MYO7A: variants seen among roughly 807,000 people sequenced by gnomAD.
MYO7A encodes myosin VIIA, also known as unconventional myosin-VIIa.
In MYO7A, 210 loss-of-function variants were observed where a neutral mutation model predicts 263.8. That is an observed-to-expected ratio of 0.80 (90% CI 0.71 to 0.89). MYO7A has a LOEUF of 0.89. Among genes scored for constraint, MYO7A ranks in the 40% least tolerant of loss-of-function variants. The pLI is 0.00. For missense variants in MYO7A, 2,820 were observed against 2,968.3 expected (o/e 0.95, Z 1.16); for synonymous variants, 1,239 against 1,197.3 (o/e 1.03, Z -0.72).
Position 77,174,837 on chromosome 11 carries a change from C to T in MYO7A, c.2017C>T (p.Pro673Ser). 2 of 1,613,642 alleles carry T rather than the reference C, an allele frequency of 1.2e-6. No homozygotes were observed. The highest frequency in any genetic ancestry group is 1.1e-5 in the South Asian group (1 of 91,078). Residue 673 changes from proline (P) to serine (S), a missense_variant, in exon 17 of 49, where the codon CCC becomes TCC. Transcript: ENST00000409709. The stretch of plus-strand genomic sequence containing the variant: ...CATCCGAATCCGCCGAGCTGGCTAC[C>T]CCATCCGCTACAGCTTCGTAGAGTT... ...ETIRIRRAGYPIRYSFVEFVE... is the reference protein window; with the variant it reads ...ETIRIRRAGYSIRYSFVEFVE...
At position 77,179,239 on chromosome 11, in the gene MYO7A, C is replaced by A. The variant is rs754620440; in HGVS notation, c.2367+110C>A. On this transcript the variant is annotated intron_variant, in intron 20 of 48. Coordinates refer to ENST00000409709, the MANE Select transcript of MYO7A (RefSeq NM_000260.4). ...AGGCAGCACAGCCTGGCCTCGTTGGCCTCCTGCCACTGCCCTGGCCAGCCA... is the reference window on the plus strand; with the variant it reads ...AGGCAGCACAGCCTGGCCTCGTTGGACTCCTGCCACTGCCCTGGCCAGCCA... 23 of 908,610 alleles carry A rather than the reference C, an allele frequency of 2.5e-5. No homozygotes were observed. The Admixed American group carries it at 5.2e-4, about 21-fold the overall frequency. The allele number at this position is 908,610 out of a possible 1,614,324, so 56.3% of individuals were successfully genotyped here.
chr11:77,154,765 G>C (rs1312126093), intron 4 of MYO7A, among the ~76,000 whole-genome samples: 1 of 152,076 alleles, frequency 6.6e-6, no homozygotes, highest in Non-Finnish European at 1.5e-5. Context: ...TGGGCCCAGG[G>C]GCCCAGAGAA....
At chr11:77,164,062 C>G (rs782251576) in intron 14 of MYO7A, among the ~76,000 whole-genome samples, 5 of 152,298 alleles carry the variant, frequency 3.3e-5, no homozygotes, top group East Asian at 3.9e-4. Context: ...CCAGTTACCC[C>G]CTAAGACTCT....
At position 77,177,238 on chromosome 11, in the gene MYO7A, G is replaced by C. The variant is rs112421490; in HGVS notation, c.2188-311G>C. ...GTGACAGGGACGTCTAGAAGCAGGGGGCTTGGGCAGATTGACGATAGGGAA... is the reference window on the plus strand; with the variant it reads ...GTGACAGGGACGTCTAGAAGCAGGGCGCTTGGGCAGATTGACGATAGGGAA... On this transcript the variant is annotated intron_variant, in intron 18 of 48. Transcript: ENST00000409709. Among the ~76,000 whole-genome samples, 1,379 of 152,294 alleles carry C rather than the reference G, an allele frequency of 9.1e-3. 20 individuals carry two copies. The highest frequency in any genetic ancestry group is 0.031 in the African/African-American group (1,275 of 41,552).
intron 42 of MYO7A, 147 bp from the exon 43 acceptor site, chr11:77,208,283 C>A: frequency 1.5e-6 from 1 of 646,872 alleles, no homozygotes; most frequent in Non-Finnish European, 2.7e-6. Flanking sequence ...GCACATGGGG[C>A]AGGGTGGGGC....
At chr11:77,165,470 G>A (rs956597418) in intron 14 of MYO7A, among the ~76,000 whole-genome samples, 1 of 152,156 alleles carries the variant, frequency 6.6e-6, no homozygotes, top group Non-Finnish European at 1.5e-5. Context: ...TTGCACCAGC[G>A]TCCTGGGTTC....
At chr11:77,201,730 G>C in intron 36 of MYO7A, 92 bp downstream of exon 36, 10 of 1,343,020 alleles carry the variant, frequency 7.4e-6, no homozygotes, top group Non-Finnish European at 1.0e-5. Flanking sequence ...TAACGGTCTA[G>C]TGCATCTGTG....
chr11:77,194,617 C>T (rs1445430009), intron 32 of MYO7A, 93 bp downstream of exon 32: 15 of 1,360,146 alleles, frequency 1.1e-5, no homozygotes, highest in African/African-American at 2.9e-5. Context: ...GTTGGGGCTG[C>T]GGGGGATGGG....
In MYO7A at chr11:77,183,418, C is replaced by T. The variant is rs3758708; in HGVS notation, c.3375+261C>T. 0.095 allele frequency among the ~76,000 whole-genome samples: 14,402 copies of T among 152,174 alleles called. 762 individuals carry two copies. The highest frequency in any genetic ancestry group is 0.15 in the Admixed American group (2,284 of 15,288). On this transcript the variant is annotated intron_variant, in intron 26 of 48. Transcript: ENST00000409709. ...GCAGAGGGCACTGAGCAGGGGAGGC[C>T]GGTAGCGGCACAGCTGAGAGGGAAT...
At chr11:77,208,648 A>G in intron 43 of MYO7A, 49 bp from the exon 44 acceptor site, 3 of 1,512,536 alleles carry the variant, frequency 2.0e-6, no homozygotes, top group Non-Finnish European at 2.7e-6. Context: ...GGACGTGAGC[A>G]CTCCTCTGTG....
At position 77,207,286 on chromosome 11, in the gene MYO7A, C is replaced by A; in HGVS notation, c.5743-3C>A. 6.2e-7 allele frequency: 1 copy of A among 1,605,394 alleles called. No homozygotes were observed. Among genetic ancestry groups the A allele is most frequent in the East Asian group, 2.2e-5 (1 of 44,508 alleles). ...GGAGCCCAGTGCTCACTGCCCCTCC[C>A]AGGCCTTCGAAGTGGAGTCCAGCAC... On this transcript the variant is annotated splice_polypyrimidine_tract_variant and splice_region_variant and intron_variant, in intron 41 of 48. Coordinates refer to ENST00000409709, the MANE Select transcript of MYO7A (RefSeq NM_000260.4).
rs1022747333 is a variant in MYO7A at position 77,138,462 on chromosome 11, C to T, written c.19-4247C>T. On this transcript the variant is annotated intron_variant, in intron 2 of 48. Coordinates refer to ENST00000409709, the MANE Select transcript of MYO7A (RefSeq NM_000260.4). This position sits in a 1 kb window ranked among gnomAD's most constrained non-coding sequence, Gnocchi z 4.9. ...GGGAGAAGGGAGGGGGAGGGCGCCT[C>T]GCCCCGGGCCTCAGTTTCCCCGCCT... Among the ~76,000 whole-genome samples, 1 of 152,126 alleles carries T rather than the reference C, an allele frequency of 6.6e-6. No homozygotes were observed. Among genetic ancestry groups the T allele is most frequent in the Admixed American group, 6.5e-5 (1 of 15,278 alleles).
rs112622780 is a variant in MYO7A at position 77,191,192 on chromosome 11, C to T, written c.3924+322C>T. The T allele has an allele frequency of 9.5e-4, 188 of 198,738 alleles. 1 individual carries two copies. The highest frequency in any genetic ancestry group is 4.0e-3 in the African/African-American group (175 of 43,362). 12.3% of individuals were successfully genotyped at this position (198,738 alleles called of 1,614,324 possible). A position where few individuals can be genotyped will look rare whatever the true frequency, so the allele number is the denominator to read the frequency against. Reference sequence around the variant, plus strand: ...AAAATTAGTGGAGCACGGTGGCGCACGCCTGTAGTCCCAGCTACTCGGGAG... The same window carrying T: ...AAAATTAGTGGAGCACGGTGGCGCATGCCTGTAGTCCCAGCTACTCGGGAG... On this transcript the variant is annotated intron_variant, in intron 30 of 48. Transcript: ENST00000409709.
At chr11:77,152,150 A>G (rs1047704461) in intron 4 of MYO7A, among the ~76,000 whole-genome samples, 1 of 151,866 alleles carries the variant, frequency 6.6e-6, no homozygotes, top group Non-Finnish European at 1.5e-5. Flanking sequence ...TCACCGAGGA[A>G]AGAGGCCTCA....
intron 31 of MYO7A, 65 bp from the exon 32 acceptor site, chr11:77,194,289 G>T: frequency 6.5e-7 from 1 of 1,550,194 alleles, no homozygotes; most frequent in Non-Finnish European, 8.8e-7. Flanking sequence ...GGAGCCTTTG[G>T]TGGTGTGGAA....
intron 27 of MYO7A, 196 bp downstream of exon 27, chr11:77,184,911 C>G (rs1302706219): frequency 1.1e-6 from 1 of 931,696 alleles, no homozygotes; most frequent in Non-Finnish European, 1.7e-6. Flanking sequence ...AAGGGGGAAT[C>G]CTAAAACAGG....
chr11:77,199,656 A>T lies in MYO7A; in HGVS notation c.4690A>T (p.Lys1564Ter). ...TCCGTGTTGGTCCTGCAGGGGAGCGAAAACGACGGCCCCCAGCTTCACGCT... is the reference window on the plus strand; with the variant it reads ...TCCGTGTTGGTCCTGCAGGGGAGCGTAAACGACGGCCCCCAGCTTCACGCT... The part of the protein sequence containing the change: ...CSPCWSCRGA[K>*]TTAPSFTLAT... The change falls in exon 35 of 49, where the codon AAA becomes TAA. Residue 1564 changes from lysine to a stop codon, truncating the protein, a stop_gained. Transcript: ENST00000409709. LOFTEE classifies it high-confidence loss of function. The T allele has an allele frequency of 6.2e-7, 1 of 1,612,820 alleles. No homozygotes were observed. The highest frequency in any genetic ancestry group is 8.5e-7 in the Non-Finnish European group (1 of 1,179,656).
intron 3 of MYO7A, among the ~76,000 whole-genome samples, chr11:77,146,411 T>C (rs1591217259): frequency 6.6e-6 from 1 of 151,644 alleles, no homozygotes; most frequent in Non-Finnish European, 1.5e-5. Context: ...GAGCTGGAGG[T>C]AAGATGGGGA....
At chr11:77,131,993 A>G (rs1209371014) in intron 2 of MYO7A, among the ~76,000 whole-genome samples, 9 of 152,086 alleles carry the variant, frequency 5.9e-5, no homozygotes, top group Admixed American at 5.9e-4. Context: ...TGAAGATTAA[A>G]AGCCTCTTTT....
Sources: allele counts gnomAD v4.1 joint callset (sites outside exome capture counted in the v4.1 genomes callset), GRCh38; gene constraint gnomAD v4.1.1; non-coding constraint Gnocchi (gnomAD v3.1); transcripts MANE v1.5; gene names NCBI Gene and HGNC (gene_info 2026-07-23, HGNC 2026-07-21).